Variants in LRRTM4 observed in about 807,000 individuals in gnomAD.
LRRTM4 encodes the protein leucine rich repeat transmembrane neuronal 4.
In LRRTM4, 25 loss-of-function variants were observed where a neutral mutation model predicts 47.6. That is an observed-to-expected ratio of 0.53 (90% confidence interval 0.38 to 0.73). The LOEUF is 0.73. Among genes scored for constraint, LRRTM4 ranks in the 30% least tolerant of loss-of-function variants. The pLI is 0.00. For missense variants in LRRTM4, 638 were observed against 713.4 expected (o/e 0.89, Z 1.20); for synonymous variants, 311 against 269.5 (o/e 1.15, Z -1.51).
chr2:77,098,679 A>C (rs1305080883), intron 3 of LRRTM4, among the ~76,000 whole-genome samples: 1 of 149,822 alleles, frequency 6.7e-6, no homozygotes, highest in Non-Finnish European at 1.5e-5. Flanking sequence ...CTGTGACTCA[A>C]ATAATTCTAC....
intron 3 of LRRTM4, among the ~76,000 whole-genome samples, chr2:76,797,041 G>T (rs867306537): frequency 6.6e-6 from 1 of 152,236 alleles, no homozygotes; most frequent in Middle Eastern, 3.4e-3. Context: ...AAAACACTCT[G>T]CAGGATATTA....
intron 3 of LRRTM4, among the ~76,000 whole-genome samples, chr2:77,390,566 C>T (rs290030): frequency 0.43 from 65,497 of 151,568 alleles, 14,415 homozygotes; most frequent in East Asian, 0.62. Context: ...ATCATTTCCC[C>T]TCTTAACAAT....
chr2:76,800,855 G>C lies in LRRTM4; in HGVS notation c.1552-51939C>G, dbSNP rs1675632765. On this transcript the variant is annotated intron_variant, in intron 3 of 3. Coordinates refer to ENST00000409884, the MANE Select transcript of LRRTM4 (RefSeq NM_001134745.3). ...GCAGCCAAAAAACACATGAAAAAAT[G>C]CTCATCATCACTGGCCATCAGAAAA... 5.3e-5 allele frequency among the ~76,000 whole-genome samples: 8 copies of C among 150,660 alleles called. 1 individual carries two copies. The South Asian group carries it at 1.7e-3, about 32-fold the overall frequency.
chr2:77,130,031 G>C (rs760496441), intron 3 of LRRTM4, among the ~76,000 whole-genome samples: 3 of 152,030 alleles, frequency 2.0e-5, no homozygotes, highest in Non-Finnish European at 2.9e-5. Context: ...TTTTAGTCTT[G>C]TGACATACTA....
intron 3 of LRRTM4, among the ~76,000 whole-genome samples, chr2:77,088,584 C>T (rs911898542): frequency 1.3e-4 from 20 of 152,068 alleles, no homozygotes; most frequent in African/African-American, 4.1e-4. Flanking sequence ...ACTCTCTTTT[C>T]GGACTCAGCC....
chr2:77,098,892 C>T (rs1364065820), intron 3 of LRRTM4, among the ~76,000 whole-genome samples: 1 of 151,824 alleles, frequency 6.6e-6, no homozygotes, highest in Non-Finnish European at 1.5e-5. Flanking sequence ...TTTAAGTCCA[C>T]TAATAGAGAA....
intron 3 of LRRTM4, among the ~76,000 whole-genome samples, chr2:77,130,852 T>G (rs1671779762): frequency 8.3e-6 from 1 of 120,820 alleles, no homozygotes; most frequent in Non-Finnish European, 1.6e-5. Flanking sequence ...TTTTTTTTTT[T>G]GAGACGGAGT....
chr2:76,914,810 T>C (rs1183736346), intron 3 of LRRTM4, among the ~76,000 whole-genome samples: 1 of 152,158 alleles, frequency 6.6e-6, no homozygotes, highest in Non-Finnish European at 1.5e-5. Context: ...TTTCTCACCA[T>C]CATATTTACT....
chr2:76,903,593 A>C (rs1673719365), intron 3 of LRRTM4, among the ~76,000 whole-genome samples: 1 of 152,130 alleles, frequency 6.6e-6, no homozygotes, highest in Non-Finnish European at 1.5e-5. Flanking sequence ...AAACTACAAA[A>C]GCTTATTTTA....
intron 3 of LRRTM4, among the ~76,000 whole-genome samples, chr2:77,294,978 A>G (rs62160532): frequency 0.053 from 8,008 of 152,216 alleles, 290 homozygotes; most frequent in Non-Finnish European, 0.078. Flanking sequence ...TATAATGCAA[A>G]TCACATTTAT....
intron 3 of LRRTM4, among the ~76,000 whole-genome samples, chr2:77,363,207 G>A (rs543632019): frequency 7.2e-4 from 109 of 152,178 alleles, no homozygotes; most frequent in African/African-American, 1.0e-3. Context: ...AAATTTTACC[G>A]TGGCTTATCA....
chr2:77,434,601 T>C (rs1675519065), intron 3 of LRRTM4, among the ~76,000 whole-genome samples: 1 of 152,178 alleles, frequency 6.6e-6, no homozygotes, highest in South Asian at 2.1e-4. Context: ...TAATAACCAT[T>C]GGTACATAAA....
chr2:77,046,743 T>C (rs1003511489), intron 3 of LRRTM4, among the ~76,000 whole-genome samples: 5 of 152,112 alleles, frequency 3.3e-5, no homozygotes, highest in Middle Eastern at 3.4e-3. Flanking sequence ...TCCCATAGTA[T>C]AGTCACACAT....
chr2:77,156,643 T>C (rs796388630), intron 3 of LRRTM4, among the ~76,000 whole-genome samples: 4 of 151,618 alleles, frequency 2.6e-5, no homozygotes, highest in African/African-American at 9.7e-5. Context: ...CAAATGCATT[T>C]GAACATGAAA....
chr2:76,998,601 C>T (rs1353900581), intron 3 of LRRTM4, among the ~76,000 whole-genome samples: 1 of 151,768 alleles, frequency 6.6e-6, no homozygotes, highest in Non-Finnish European at 1.5e-5. Context: ...ACAAGAAACC[C>T]CAGGCAATTT....
chr2:77,039,449 A>T (rs1029849294), intron 3 of LRRTM4, among the ~76,000 whole-genome samples: 3 of 151,086 alleles, frequency 2.0e-5, no homozygotes, highest in African/African-American at 7.3e-5. Flanking sequence ...AATGACATAG[A>T]TATCTCTTAC....
chr2:76,959,702 AAAG>A (rs1265427987), intron 3 of LRRTM4, among the ~76,000 whole-genome samples: 1 of 151,684 alleles, frequency 6.6e-6, no homozygotes, highest in African/African-American at 2.4e-5. Flanking sequence ...TACGGAATTT[AAAG>A]AAGTGTGTGA....
chr2:76,922,377 C>A (rs1208270235), intron 3 of LRRTM4, among the ~76,000 whole-genome samples: 1 of 151,962 alleles, frequency 6.6e-6, no homozygotes, highest in Non-Finnish European at 1.5e-5. Flanking sequence ...AGAGAGAGAG[C>A]GTGCACAAAG....
chr2:77,476,821 ATGG>A (rs925124556), intron 3 of LRRTM4, among the ~76,000 whole-genome samples: 1 of 152,116 alleles, frequency 6.6e-6, no homozygotes, highest in African/African-American at 2.4e-5. Context: ...AAATAAGTAA[ATGG>A]TGGTATTTTT....
Sources: allele counts gnomAD v4.1 joint callset (sites outside exome capture counted in the v4.1 genomes callset), GRCh38; gene constraint gnomAD v4.1.1; transcripts MANE v1.5; gene names NCBI Gene and HGNC (gene_info 2026-07-23, HGNC 2026-07-21).